Variants in TMPRSS15 observed in about 807,000 individuals in gnomAD.
TMPRSS15 encodes transmembrane serine protease 15.
Under a neutral mutation model 125.3 loss-of-function variants are expected in TMPRSS15, and 128 were observed. That is an observed-to-expected ratio of 1.02 (90% CI 0.89 to 1.18). The LOEUF (loss-of-function observed/expected upper bound fraction) is 1.18, where lower values mean the gene tolerates loss of function less well. Ranked by LOEUF, TMPRSS15 falls within the 50% of genes most tolerant of loss-of-function variation. The probability of loss-of-function intolerance (pLI) is 0.00; values close to 1 mark genes in which losing one functional copy is unlikely to be tolerated. For synonymous variants in TMPRSS15, 446 were observed against 423.2 expected, an observed-to-expected ratio of 1.05 and a Z score of -0.66; for missense variants, 1,283 against 1,212.7, an observed-to-expected ratio of 1.06 and a Z score of -0.86.
chr21:18,357,238 GA>G lies in TMPRSS15; in HGVS notation c.880+2518del, dbSNP rs200764860. Among the ~76,000 whole-genome samples, 892 of 151,822 alleles carry G rather than the reference GA, an allele frequency of 5.9e-3. 13 individuals are homozygous for G. The highest frequency in any genetic ancestry group is 0.02 in the African/African-American group (834 of 41,468). ...TATACCTTCATCATTGCAACTTAAA[GA>G]AAACACTTTTGAAATAACTTTCCCA... On this transcript the variant is annotated intron_variant, in intron 8 of 24. Transcript: ENST00000284885.
intron 1 of TMPRSS15, among the ~76,000 whole-genome samples, chr21:18,451,559 G>C (rs1485860191): frequency 6.6e-6 from 1 of 152,134 alleles, no homozygotes; most frequent in Admixed American, 6.6e-5. Flanking sequence ...AGCTGCTTTG[G>C]GGACAGCATT....
intron 10 of TMPRSS15, among the ~76,000 whole-genome samples, chr21:18,351,077 T>G (rs1569026040): frequency 2.0e-5 from 3 of 152,056 alleles, no homozygotes; most frequent in Admixed American, 2.0e-4. Context: ...TATATTTCTA[T>G]CTTGAAAAAA....
At chr21:18,318,621 T>C (rs942241738) in intron 16 of TMPRSS15, among the ~76,000 whole-genome samples, 1 of 152,232 alleles carries the variant, frequency 6.6e-6, no homozygotes, top group Non-Finnish European at 1.5e-5. Flanking sequence ...TACTTGACTG[T>C]TCATTTTAAC....
intron 1 of TMPRSS15, among the ~76,000 whole-genome samples, chr21:18,453,251 T>G (rs75296193): frequency 0.089 from 13,601 of 152,126 alleles, 1,711 homozygotes; most frequent in African/African-American, 0.29. Context: ...CTCAAAAATC[T>G]CACAAAATAA....
intron 1 of TMPRSS15, among the ~76,000 whole-genome samples, chr21:18,441,311 C>A (rs200439869): frequency 5.7e-5 from 7 of 122,358 alleles, no homozygotes; most frequent in South Asian, 2.6e-4. Flanking sequence ...AAAACAAAAC[C>A]AAAAAAACAA....
chr21:18,308,196 C>A (rs901114139), intron 18 of TMPRSS15, among the ~76,000 whole-genome samples: 1 of 152,050 alleles, frequency 6.6e-6, no homozygotes, highest in Non-Finnish European at 1.5e-5. Context: ...GAATGAATGC[C>A]ACTTACCCAG....
At chr21:18,425,871 C>G (rs2076201633) in intron 1 of TMPRSS15, among the ~76,000 whole-genome samples, 1 of 151,998 alleles carries the variant, frequency 6.6e-6, no homozygotes, top group African/African-American at 2.4e-5. Flanking sequence ...CCTTAATAAC[C>G]TAAATGCGAT....
chr21:18,372,418 A>C (rs529769603), intron 5 of TMPRSS15, 94 bp from the exon 6 acceptor site: 10 of 1,078,630 alleles, frequency 9.3e-6, no homozygotes, highest in Admixed American at 3.7e-5. Flanking sequence ...GTTCTTACTT[A>C]TAAGTATGTT....
In TMPRSS15 at chr21:18,368,274, AT is replaced by A. The variant is rs150796262; in HGVS notation, c.665-3027del. On this transcript the variant is annotated intron_variant, in intron 6 of 24. Transcript: ENST00000284885. ...TGTGATTCATGATTTCCAGAAAGCC[AT>A]GTTACGTCTCTAGTTTCAAAGATGG... Among the ~76,000 whole-genome samples the A allele has an allele frequency of 3.3e-4, 50 of 152,316 alleles. 1 individual carries two copies. Among genetic ancestry groups the A allele is most frequent in the African/African-American group, 1.2e-3 (48 of 41,572 alleles).
At chr21:18,321,453 C>T (rs963763588) in intron 16 of TMPRSS15, among the ~76,000 whole-genome samples, 2 of 145,924 alleles carry the variant, frequency 1.4e-5, no homozygotes, top group African/African-American at 5.1e-5. Flanking sequence ...CCCGGGTTCA[C>T]GCCATTCTCC....
In TMPRSS15 at chr21:18,353,833, A is replaced by G. The variant is rs1346891324; in HGVS notation, c.911T>C (p.Ile304Thr). 2.5e-6 allele frequency: 4 copies of G among 1,611,430 alleles called. No homozygotes were observed. The highest frequency in any genetic ancestry group is 3.3e-5 in the Admixed American group (2 of 59,852). ...ASIWETNPGT[I>T]RIFSNQVTAT... ...AGTAACTTGGTTGGAAAAAATTCTT[A>G]TTGTGCCAGGATTAGTTTCCCAAAT... The change falls in exon 9 of 25, where the codon ATA (isoleucine) becomes ACA (threonine). Residue 304 changes from isoleucine to threonine, a missense_variant. Transcript: ENST00000284885.
At chr21:18,482,947 C>G (rs1243058574) in intron 1 of TMPRSS15, among the ~76,000 whole-genome samples, 1 of 151,670 alleles carries the variant, frequency 6.6e-6, no homozygotes, top group Non-Finnish European at 1.5e-5. Context: ...TCTTTATAAC[C>G]TCTTTGTCTC....
chr21:18,276,954 C>T (rs1162662799), intron 23 of TMPRSS15, among the ~76,000 whole-genome samples: 4 of 151,394 alleles, frequency 2.6e-5, no homozygotes, highest in East Asian at 1.9e-4. Flanking sequence ...TAAGTAGAGA[C>T]GGGGTTTCAC....
intron 3 of TMPRSS15, among the ~76,000 whole-genome samples, chr21:18,396,080 T>A (rs942311312): frequency 6.6e-6 from 1 of 152,198 alleles, no homozygotes; most frequent in African/African-American, 2.4e-5. Flanking sequence ...AACTAAAGAA[T>A]ATTGCCATCA....
chr21:18,340,003 G>A lies in TMPRSS15; in HGVS notation c.1564+1410C>T, dbSNP rs188793283. ...CACTTCTCAGGAGTAACACATGAGT[G>A]GATCCATGAAAGAAACATATGCCAA... On this transcript the variant is annotated intron_variant, in intron 13 of 24. Transcript: ENST00000284885. 5.3e-5 allele frequency among the ~76,000 whole-genome samples: 8 copies of A among 152,288 alleles called. No homozygotes were observed. In the East Asian group the frequency reaches 1.4e-3, roughly 26 times the overall value.
At position 18,315,102 on chromosome 21, in the gene TMPRSS15, A is replaced by C. The variant is rs144258692; in HGVS notation, c.2032+44T>G. 5.7e-4 allele frequency: 830 copies of C among 1,468,950 alleles called. 15 individuals are homozygous for C. In the East Asian group the frequency reaches 0.016, roughly 28 times the overall value. The allele number at this position is 1,468,950 out of a possible 1,614,324, so 91.0% of individuals were successfully genotyped here. A position where few individuals can be genotyped will look rare whatever the true frequency, so the allele number is the denominator to read the frequency against. ...CTTTGACACTGTAGAGTCCAAATGC[A>C]GAGGCTAAAGTCATAAAAGTATTTT... is the stretch of plus-strand genomic sequence containing the variant. On this transcript the variant is annotated intron_variant, in intron 17 of 24. Transcript: ENST00000284885.
intron 23 of TMPRSS15, among the ~76,000 whole-genome samples, chr21:18,277,585 TACAGTG>T (rs2074637371): frequency 6.6e-6 from 1 of 152,232 alleles, no homozygotes; most frequent in South Asian, 2.1e-4. Flanking sequence ...TTTTCAGCAA[TACAGTG>T]TCATTGCTGT....
chr21:18,380,753 T>C (rs1487464427), intron 4 of TMPRSS15, among the ~76,000 whole-genome samples: 2 of 152,180 alleles, frequency 1.3e-5, no homozygotes, highest in African/African-American at 4.8e-5. Flanking sequence ...GTAATACATT[T>C]GATAAATTTC....
Position 18,362,457 on chromosome 21 carries a change from T to C in TMPRSS15, c.774-2594A>G, listed in dbSNP as rs931873467. Among the ~76,000 whole-genome samples the C allele has an allele frequency of 2.0e-5, 3 of 152,206 alleles. No individual in the cohort carries two copies. The South Asian group carries it at 6.2e-4, about 32-fold the overall frequency. On this transcript the variant is annotated intron_variant, in intron 7 of 24. Transcript: ENST00000284885. ...AGGACCTCTGCTTTTCCAAAATAGATATTTGGAGGTAGAAGAGACAAAAAA... is the reference window on the plus strand; with the variant it reads ...AGGACCTCTGCTTTTCCAAAATAGACATTTGGAGGTAGAAGAGACAAAAAA...
Sources: gnomAD v4.1 joint callset for allele counts (sites outside exome capture counted in the v4.1 genomes callset) on GRCh38, gnomAD v4.1.1 for gene constraint, MANE v1.5 for transcripts, NCBI Gene and HGNC (gene_info 2026-07-23, HGNC 2026-07-21) for gene names.